PGP: variants seen among roughly 807,000 people sequenced by gnomAD.
PGP encodes the protein phosphoglycolate phosphatase, also known as aspartate-based ubiquitous Mg(2+)-dependent phosphatase.
PGP carries 9 observed loss-of-function variants against 19.3 expected under a neutral mutation model. That is an observed-to-expected ratio of 0.47 (90% CI 0.28 to 0.81). PGP has a LOEUF of 0.81. Among genes scored for constraint, PGP ranks in the 40% least tolerant of loss-of-function variants. The probability of loss-of-function intolerance (pLI) is 0.11; values close to 1 mark genes in which losing one functional copy is unlikely to be tolerated. For missense variants in PGP, 403 were observed against 479.9 expected (o/e 0.84, Z 1.50); for synonymous variants, 308 against 226.8 (o/e 1.36, Z -3.22).
In PGP at chr16:2,214,561, T is replaced by C; in HGVS notation, c.217A>G (p.Thr73Ala). The change falls in exon 1 of 2, where the codon ACC (threonine) becomes GCC (alanine). Residue 73 changes from threonine to alanine, a missense_variant. Transcript: ENST00000333503. The surrounding 1 kb of genome is among the most constrained non-coding windows in gnomAD (Gnocchi z 7.1). ...AGCTTCTCGGCGTAGGCAGCGCGGGTCTTGCTGCTGTTGTTGGTGATGAAG... is the reference window on the plus strand; with the variant it reads ...AGCTTCTCGGCGTAGGCAGCGCGGGCCTTGCTGCTGTTGTTGGTGATGAAG... ...LGFITNNSSKTRAAYAEKLRR... is the reference protein window; with the variant it reads ...LGFITNNSSKARAAYAEKLRR... 1 of 1,466,504 alleles carries C rather than the reference T, an allele frequency of 6.8e-7. No homozygotes were observed. 90.8% of individuals were successfully genotyped at this position (1,466,504 alleles called of 1,614,324 possible). A position where few individuals can be genotyped will look rare whatever the true frequency, so the allele number is the denominator to read the frequency against.
rs2093376984 is a variant in PGP, at chr16:2,212,151, G to A, written c.*1577C>T. 1.0e-6 allele frequency: 1 copy of A among 985,706 alleles called. No homozygotes were observed. Among genetic ancestry groups the A allele is most frequent in the Non-Finnish European group, 1.2e-6 (1 of 829,980 alleles). 61.1% of individuals were successfully genotyped at this position (985,706 alleles called of 1,614,324 possible). A position where few individuals can be genotyped will look rare whatever the true frequency, so the allele number is the denominator to read the frequency against. ...TGCGCTCCTGGTGTGACTGCACCCT[G>A]TCAGGCCAGACCCGGCTTGAGCCAA... On this transcript the variant is annotated 3_prime_UTR_variant, in exon 2 of 2. Transcript: ENST00000333503.
chr16:2,213,404 A>G lies in PGP; in HGVS notation c.*324T>C, dbSNP rs1435656331. 7 of 1,011,478 alleles carry G rather than the reference A, an allele frequency of 6.9e-6. No homozygotes were observed. Among genetic ancestry groups the G allele is most frequent in the Non-Finnish European group, 7.2e-6 (6 of 832,812 alleles). The allele number at this position is 1,011,478 out of a possible 1,614,324, so 62.7% of individuals were successfully genotyped here. A position where few individuals can be genotyped will look rare whatever the true frequency, so the allele number is the denominator to read the frequency against. On this transcript the variant is annotated 3_prime_UTR_variant, in exon 2 of 2. Coordinates refer to ENST00000333503, the MANE Select transcript of PGP (RefSeq NM_001042371.3). ...TAAAATACAGGACACACACCCCTAG[A>G]CCCGCCTCAGTCCCATCGGCAGGCC...
Position 2,214,788 on chromosome 16 carries a change from C to G in PGP, c.-11G>C, listed in dbSNP as rs1454727117. 1.2e-5 allele frequency: 11 copies of G among 928,214 alleles called. No homozygotes were observed. Among genetic ancestry groups the G allele is most frequent in the Non-Finnish European group, 1.4e-5 (11 of 777,828 alleles). The allele number at this position is 928,214 out of a possible 1,614,324, so 57.5% of individuals were successfully genotyped here. On this transcript the variant is annotated 5_prime_UTR_variant, in exon 1 of 2. Transcript: ENST00000333503. This position sits in a 1 kb window ranked among gnomAD's most constrained non-coding sequence, Gnocchi z 7.1. ...CTCCGCCGCCGCCATCGCCGCCCGC[C>G]GGCCGCCGCCGCCCGCCGGCCGCTC...
At position 2,212,261 on chromosome 16, in the gene PGP, C is replaced by T. The variant is rs2093377240; in HGVS notation, c.*1467G>A. 1.0e-6 allele frequency: 1 copy of T among 985,778 alleles called. No individual in the cohort carries two copies. Among genetic ancestry groups the T allele is most frequent in the Non-Finnish European group, 1.2e-6 (1 of 830,024 alleles). 61.1% of individuals were successfully genotyped at this position (985,778 alleles called of 1,614,324 possible). ...CTGCAGCACCCTCTGAACCCGATAT[C>T]CCAGGCCTGGGAGGTGCTGAAGGCT... On this transcript the variant is annotated 3_prime_UTR_variant, in exon 2 of 2. Coordinates refer to ENST00000333503, the MANE Select transcript of PGP (RefSeq NM_001042371.3).
Position 2,214,594 on chromosome 16 carries a change from G to A in PGP, c.184C>T (p.Arg62Cys). The A allele has an allele frequency of 1.4e-6, 2 of 1,468,682 alleles. No individual in the cohort carries two copies. Among genetic ancestry groups the A allele is most frequent in the Non-Finnish European group, 1.8e-6 (2 of 1,114,384 alleles). 91.0% of individuals were successfully genotyped at this position (1,468,682 alleles called of 1,614,324 possible). The change falls in exon 1 of 2, where the codon CGC becomes TGC. Residue 62 changes from arginine to cysteine, a missense_variant. Transcript: ENST00000333503. The surrounding 1 kb of genome is among the most constrained non-coding windows in gnomAD (Gnocchi z 7.1). ...ALRALRARGK[R>C]LGFITNNSSK... ...CTGTTGTTGGTGATGAAGCCCAGGC[G>A]CTTGCCGCGGGCTCGCAGCGCCCGC...
In PGP at chr16:2,213,235, G is replaced by C. The variant is rs1460316085; in HGVS notation, c.*493C>G. The C allele has an allele frequency of 2.0e-6, 2 of 985,786 alleles. No individual in the cohort carries two copies. The highest frequency in any genetic ancestry group is 2.4e-6 in the Non-Finnish European group (2 of 830,142). The allele number at this position is 985,786 out of a possible 1,614,324, so 61.1% of individuals were successfully genotyped here. On this transcript the variant is annotated 3_prime_UTR_variant, in exon 2 of 2. Transcript: ENST00000333503. ...CAGCCGCCTCCTCCACTCCCACCCT[G>C]CTGGGAGGCACAGGGACACAGAAGG...
chr16:2,212,491 C>T lies in PGP; in HGVS notation c.*1237G>A, dbSNP rs1380627196. The T allele has an allele frequency of 4.1e-6, 4 of 985,584 alleles. No individual in the cohort carries two copies. The highest frequency in any genetic ancestry group is 3.6e-6 in the Non-Finnish European group (3 of 829,994). 61.1% of individuals were successfully genotyped at this position (985,584 alleles called of 1,614,324 possible). A position where few individuals can be genotyped will look rare whatever the true frequency, so the allele number is the denominator to read the frequency against. The stretch of plus-strand genomic sequence containing the variant: ...AAGGAGCAGGCAGGAGAGGCTGGAG[C>T]CCCGCCCAGAACCTTGGCGAGCTGG... On this transcript the variant is annotated 3_prime_UTR_variant, in exon 2 of 2. Transcript: ENST00000333503.
chr16:2,214,789 G>T lies in PGP; in HGVS notation c.-12C>A. On this transcript the variant is annotated 5_prime_UTR_variant, in exon 1 of 2. Coordinates refer to ENST00000333503, the MANE Select transcript of PGP (RefSeq NM_001042371.3). The surrounding 1 kb of genome is among the most constrained non-coding windows in gnomAD (Gnocchi z 7.1). Reference sequence around the variant, plus strand: ...TCCGCCGCCGCCATCGCCGCCCGCCGGCCGCCGCCGCCCGCCGGCCGCTCC... The same window carrying T: ...TCCGCCGCCGCCATCGCCGCCCGCCTGCCGCCGCCGCCCGCCGGCCGCTCC... 1 of 928,474 alleles carries T rather than the reference G, an allele frequency of 1.1e-6. No individual in the cohort carries two copies. Among genetic ancestry groups the T allele is most frequent in the Non-Finnish European group, 1.3e-6 (1 of 777,988 alleles). 57.5% of individuals were successfully genotyped at this position (928,474 alleles called of 1,614,324 possible).
In PGP at chr16:2,214,046, C is replaced by G. The variant is rs770560691; in HGVS notation, c.648G>C (p.Gly216=). 3.1e-6 allele frequency: 5 copies of G among 1,599,166 alleles called. No individual in the cohort carries two copies. The highest frequency in any genetic ancestry group is 4.3e-6 in the Non-Finnish European group (5 of 1,172,904). ...CCATCTCCACGGCTCGGACCAGACACCCGGTACCTGCGGGGCACAGGGGAC... is the reference window on the plus strand; with the variant it reads ...CCATCTCCACGGCTCGGACCAGACAGCCGGTACCTGCGGGGCACAGGGGAC... ...LENGRFIAGT[G]CLVRAVEMAA... The change falls in exon 2 of 2, where the codon GGG becomes GGC. Residue 216 remains glycine (G), a synonymous_variant. Transcript: ENST00000333503. This position sits in a 1 kb window ranked among gnomAD's most constrained non-coding sequence, Gnocchi z 7.1.
rs2093382536 is a variant in PGP, at chr16:2,214,259, G to T, written c.519C>A (p.Asp173Glu). 6.3e-7 allele frequency: 1 copy of T among 1,585,774 alleles called. No individual in the cohort carries two copies. The change falls in exon 1 of 2, where the codon GAC (aspartate) becomes GAA (glutamate). Residue 173 changes from aspartate to glutamate, a missense_variant. Physicochemically the swap from Asp to Glu is conservative, Grantham distance 45. Coordinates refer to ENST00000333503, the MANE Select transcript of PGP (RefSeq NM_001042371.3). This position sits in a 1 kb window ranked among gnomAD's most constrained non-coding sequence, Gnocchi z 7.1. ...TGAGCTTCATGTAGCTGAAGTGCGG[G>T]TCAAAGCCCACCACCACCGCGCGCA... ...PDVRAVVVGF[D>E]PHFSYMKLTK...
In PGP at chr16:2,213,178, G is replaced by A; in HGVS notation, c.*550C>T. The A allele has an allele frequency of 1.0e-6, 1 of 985,576 alleles. No homozygotes were observed. The highest frequency in any genetic ancestry group is 1.2e-6 in the Non-Finnish European group (1 of 830,006). 61.1% of individuals were successfully genotyped at this position (985,576 alleles called of 1,614,324 possible). On this transcript the variant is annotated 3_prime_UTR_variant, in exon 2 of 2. Coordinates refer to ENST00000333503, the MANE Select transcript of PGP (RefSeq NM_001042371.3). ...GGGAGAGTGGTGAGGGCAGCACTTT[G>A]CACCCAAGGGCAGGGAGATGCCACC...
rs547724581 is a variant in PGP at position 2,213,421 on chromosome 16, C to A, written c.*307G>T. On this transcript the variant is annotated 3_prime_UTR_variant, in exon 2 of 2. Transcript: ENST00000333503. ...ACCCCTAGACCCGCCTCAGTCCCAT[C>A]GGCAGGCCCTGGTTACCTGAATCCC... The A allele has an allele frequency of 1.0e-6, 1 of 974,954 alleles. No homozygotes were observed. The highest frequency in any genetic ancestry group is 6.1e-5 in the East Asian group (1 of 16,358). The allele number at this position is 974,954 out of a possible 1,614,324, so 60.4% of individuals were successfully genotyped here. A position where few individuals can be genotyped will look rare whatever the true frequency, so the allele number is the denominator to read the frequency against.
rs1380046803 is a variant in PGP at position 2,211,969 on chromosome 16, G to A, written c.*1759C>T. 3.7e-5 allele frequency: 36 copies of A among 985,444 alleles called. No homozygotes were observed. Among genetic ancestry groups the A allele is most frequent in the Non-Finnish European group, 4.2e-5 (35 of 829,992 alleles). 61.0% of individuals were successfully genotyped at this position (985,444 alleles called of 1,614,324 possible). ...GACGGCATCACCCGGGCCAATGCAAGGTGAGAGCAAGGACACCTGAGCCAG... is the reference window on the plus strand; with the variant it reads ...GACGGCATCACCCGGGCCAATGCAAAGTGAGAGCAAGGACACCTGAGCCAG... On this transcript the variant is annotated 3_prime_UTR_variant, in exon 2 of 2. Transcript: ENST00000333503.
chr16:2,214,094 G>GGGGGGGGCCCC lies in PGP; in HGVS notation c.641-42_641-41insGGGGCCCCCCC. On this transcript the variant is annotated intron_variant, in intron 1 of 1. Coordinates refer to ENST00000333503, the MANE Select transcript of PGP (RefSeq NM_001042371.3). This position sits in a 1 kb window ranked among gnomAD's most constrained non-coding sequence, Gnocchi z 7.1. ...GACCGGGTCAAAGGGCAGGGAGGGG[G>GGGGGGGGCCCC]CCCGCCGCCCGCCCCCCAGCCTCCC... 1 of 1,544,850 alleles carries GGGGGGGGCCCC rather than the reference G, an allele frequency of 6.5e-7. No individual in the cohort carries two copies. Among genetic ancestry groups the GGGGGGGGCCCC allele is most frequent in the Non-Finnish European group, 8.7e-7 (1 of 1,152,938 alleles).
At position 2,212,443 on chromosome 16, in the gene PGP, G is replaced by A; in HGVS notation, c.*1285C>T. On this transcript the variant is annotated 3_prime_UTR_variant, in exon 2 of 2. Transcript: ENST00000333503. Reference sequence around the variant, plus strand: ...ATGGCCCTGCTGAGTCTGCTGTCAGGCCTGTGAAAGGTCAGCAGAGCCAAG... The same window carrying A: ...ATGGCCCTGCTGAGTCTGCTGTCAGACCTGTGAAAGGTCAGCAGAGCCAAG... 1.2e-5 allele frequency: 12 copies of A among 985,752 alleles called. No individual in the cohort carries two copies. Among genetic ancestry groups the A allele is most frequent in the Non-Finnish European group, 1.4e-5 (12 of 830,040 alleles). The allele number at this position is 985,752 out of a possible 1,614,324, so 61.1% of individuals were successfully genotyped here.
Position 2,213,543 on chromosome 16 carries a change from C to A in PGP, c.*185G>T. 3.0e-6 allele frequency: 2 copies of A among 675,832 alleles called. No homozygotes were observed. The highest frequency in any genetic ancestry group is 2.2e-6 in the Non-Finnish European group (1 of 451,864). 41.9% of individuals were successfully genotyped at this position (675,832 alleles called of 1,614,324 possible). On this transcript the variant is annotated 3_prime_UTR_variant, in exon 2 of 2. Coordinates refer to ENST00000333503, the MANE Select transcript of PGP (RefSeq NM_001042371.3). ...CTAAAAGTGCATCTTCGATTACAAG[C>A]ATCTGTAAACAAAATCGTCCCCCAA...
At position 2,214,207 on chromosome 16, in the gene PGP, G is replaced by T; in HGVS notation, c.571C>A (p.Pro191Thr). The change falls in exon 1 of 2, where the codon CCC (proline) becomes ACC (threonine). Residue 191 changes from proline (P) to threonine (T), a missense_variant. Pro to Thr is a conservative substitution (Grantham distance 38, BLOSUM62 -1). Coordinates refer to ENST00000333503, the MANE Select transcript of PGP (RefSeq NM_001042371.3). This position sits in a 1 kb window ranked among gnomAD's most constrained non-coding sequence, Gnocchi z 7.1. ...LTKALRYLQQ[P>T]GCLLVGTNMD... ...TTGGTGCCCACGAGCAGGCAGCCGG[G>T]CTGCTGCAGGTAGCGCAGGGCCTTG... 6.3e-7 allele frequency: 1 copy of T among 1,595,984 alleles called. No homozygotes were observed.
Position 2,212,534 on chromosome 16 carries a change from G to A in PGP, c.*1194C>T. 1.0e-6 allele frequency: 1 copy of A among 985,540 alleles called. No homozygotes were observed. 61.0% of individuals were successfully genotyped at this position (985,540 alleles called of 1,614,324 possible). On this transcript the variant is annotated 3_prime_UTR_variant, in exon 2 of 2. Transcript: ENST00000333503. ...CGAGCTGGTGGCCCTGCCAAGTCCTGCTGGCCACTGAAGAGGGAATCCAGG... is the reference window on the plus strand; with the variant it reads ...CGAGCTGGTGGCCCTGCCAAGTCCTACTGGCCACTGAAGAGGGAATCCAGG...
chr16:2,212,925 T>TGTTC lies in PGP; in HGVS notation c.*802_*803insGAAC, dbSNP rs201133348. 4.6e-6 allele frequency: 4 copies of TGTTC among 862,910 alleles called. No homozygotes were observed. Among genetic ancestry groups the TGTTC allele is most frequent in the Admixed American group, 4.7e-4 (2 of 4,282 alleles). The allele number at this position is 862,910 out of a possible 1,614,324, so 53.5% of individuals were successfully genotyped here. ...GACACAGTTGTTCAAAGTTAAAAAC[T>TGTTC]GGTAGCAGCACTGCTCTGAGCTCCC... is the stretch of plus-strand genomic sequence containing the variant. On this transcript the variant is annotated 3_prime_UTR_variant, in exon 2 of 2. Transcript: ENST00000333503.
Sources: gnomAD v4.1 joint callset for allele counts on GRCh38, gnomAD v4.1.1 for gene constraint, Gnocchi (gnomAD v3.1) non-coding constraint, MANE v1.5 for transcripts, NCBI Gene and HGNC (gene_info 2026-07-23, HGNC 2026-07-21) for gene names.